The following PNPLA1 variants were observed in gnomAD, a reference collection of about 807,000 sequenced individuals.
PNPLA1 encodes omega-hydroxyceramide transacylase.
Under a neutral mutation model 51.7 loss-of-function variants are expected in PNPLA1, and 36 were observed. That is an observed-to-expected ratio of 0.70 (90% CI 0.53 to 0.92). The LOEUF (loss-of-function observed/expected upper bound fraction) is 0.92, where lower values mean the gene tolerates loss of function less well. PNPLA1 is among the 40% of genes least tolerant of loss of function. PNPLA1 has a pLI of 0.00. For synonymous variants in PNPLA1, 293 were observed against 280.1 expected, an observed-to-expected ratio of 1.05 and a Z score of -0.46; for missense variants, 658 against 682.5, an observed-to-expected ratio of 0.96 and a Z score of 0.40.
chr6:36,251,413 A>G (rs1382966207), intron 1 of PNPLA1, among the ~76,000 whole-genome samples: 3 of 152,204 alleles, frequency 2.0e-5, no homozygotes, highest in Non-Finnish European at 4.4e-5. Flanking sequence ...TTCATCCTGC[A>G]CAAAGGATGA....
At chr6:36,256,259 A>G (rs1435241583) in intron 1 of PNPLA1, among the ~76,000 whole-genome samples, 1 of 152,008 alleles carries the variant, frequency 6.6e-6, no homozygotes, top group African/African-American at 2.4e-5. Context: ...GAGAGGCCAA[A>G]GCAGGAGAAT....
chr6:36,256,017 C>T (rs1769525418), intron 1 of PNPLA1, among the ~76,000 whole-genome samples: 1 of 152,148 alleles, frequency 6.6e-6, no homozygotes, highest in Non-Finnish European at 1.5e-5. Context: ...ACGGTAGGTT[C>T]CTAGCAGACT....
At chr6:36,287,041 G>A (rs563172796) in intron 1 of PNPLA1, among the ~76,000 whole-genome samples, 11 of 152,214 alleles carry the variant, frequency 7.2e-5, no homozygotes, top group Non-Finnish European at 1.5e-4. Context: ...CATAAAACCT[G>A]GTGAGCTGAC....
In PNPLA1 at chr6:36,272,939, T is replaced by C. The variant is rs1307825882; in HGVS notation, c.205+2275T>C. ...TTCTCACTGGACAAAATTCAAACAG[T>C]GCGAAAGTGTATAGAGTAAAAGTAG... On this transcript the variant is annotated intron_variant, in intron 1 of 8. Coordinates refer to ENST00000636260, the MANE Select transcript of PNPLA1 (RefSeq NM_001374623.1). 7.9e-5 allele frequency among the ~76,000 whole-genome samples: 12 copies of C among 152,194 alleles called. No homozygotes were observed. The East Asian group carries it at 2.1e-3, about 27-fold the overall frequency.
At chr6:36,258,674 A>G (rs1286968511) in intron 1 of PNPLA1, among the ~76,000 whole-genome samples, 1 of 152,180 alleles carries the variant, frequency 6.6e-6, no homozygotes, top group African/African-American at 2.4e-5. Flanking sequence ...AATTGTTTTC[A>G]TCTGCTCTTT....
Position 36,305,852 on chromosome 6 carries a change from C to A in PNPLA1, c.1385-440C>A, listed in dbSNP as rs1771216578. On this transcript the variant is annotated intron_variant, in intron 6 of 8. Coordinates refer to ENST00000636260, the MANE Select transcript of PNPLA1 (RefSeq NM_001374623.1). Reference sequence around the variant, plus strand: ...CACTGCACTCTCAACTTTTGAGGCTCAGGTGATTCTCTTACCTCAGCCTCC... The same window carrying A: ...CACTGCACTCTCAACTTTTGAGGCTAAGGTGATTCTCTTACCTCAGCCTCC... Among the ~76,000 whole-genome samples, 3 of 143,142 alleles carry A rather than the reference C, an allele frequency of 2.1e-5. No homozygotes were observed. In the South Asian group the frequency reaches 6.7e-4, roughly 32 times the overall value. The allele number at this position is 143,142 out of a possible 152,430, so 93.9% of individuals were successfully genotyped here. A position where few individuals can be genotyped will look rare whatever the true frequency, so the allele number is the denominator to read the frequency against.
intron 5 of PNPLA1, among the ~76,000 whole-genome samples, chr6:36,299,586 G>A (rs1274015850): frequency 1.3e-5 from 2 of 152,064 alleles, no homozygotes; most frequent in African/African-American, 4.8e-5. Context: ...CACCCGCCTC[G>A]GCCTCCCAAA....
intron 1 of PNPLA1, among the ~76,000 whole-genome samples, chr6:36,276,816 A>G (rs986548240): frequency 1.3e-5 from 2 of 151,866 alleles, no homozygotes; most frequent in Non-Finnish European, 2.9e-5. Context: ...TTGAGCACAT[A>G]CTAGGCCCTG....
At chr6:36,291,758 G>A (rs1398147122) in intron 2 of PNPLA1, among the ~76,000 whole-genome samples, 3 of 152,128 alleles carry the variant, frequency 2.0e-5, no homozygotes, top group Non-Finnish European at 4.4e-5. Context: ...AGGCTTGACC[G>A]CCACCCTCAA....
rs144335927 is a variant in PNPLA1 at position 36,274,497 on chromosome 6, TTTAG to T, written c.205+3839_205+3842del. Reference sequence around the variant, plus strand: ...CGAAAAGGAACCAGGGCTAGATCTTTTTAGTTAGTCATTTTATTGATGGATCTGA... The same window carrying T: ...CGAAAAGGAACCAGGGCTAGATCTTTTTAGTCATTTTATTGATGGATCTGA... On this transcript the variant is annotated intron_variant, in intron 1 of 8. Transcript: ENST00000636260. 1.2e-3 allele frequency among the ~76,000 whole-genome samples: 177 copies of T among 152,262 alleles called. 1 individual carries two copies. The highest frequency in any genetic ancestry group is 4.1e-3 in the African/African-American group (169 of 41,554).
At chr6:36,307,941 G>A (rs910881797) in intron 8 of PNPLA1, 17 of 423,392 alleles carry the variant, frequency 4.0e-5, no homozygotes, top group African/African-American at 3.4e-4. Context: ...CTGTAAAATG[G>A]GGATGATACC....
intron 1 of PNPLA1, among the ~76,000 whole-genome samples, chr6:36,246,881 C>G (rs1561844324): frequency 6.6e-6 from 1 of 152,360 alleles, no homozygotes; most frequent in South Asian, 2.1e-4. Flanking sequence ...ACATAGTACT[C>G]TTAAATATGT....
intron 1 of PNPLA1, among the ~76,000 whole-genome samples, chr6:36,274,431 C>T (rs1349409452): frequency 1.3e-5 from 2 of 152,122 alleles, no homozygotes; most frequent in African/African-American, 4.8e-5. Context: ...TTGGGAAGAA[C>T]ATTCTACGCA....
chr6:36,282,051 A>AAGAAAGAT (rs1770304315), intron 1 of PNPLA1, among the ~76,000 whole-genome samples: 1 of 83,390 alleles, frequency 1.2e-5, no homozygotes, highest in Non-Finnish European at 2.5e-5. Flanking sequence ...GAAGGAAAGA[A>AAGAAAGAT]AGAAAGAAAG....
rs997794622 is a variant in PNPLA1 at position 36,270,394 on chromosome 6, C to G, written c.-66C>G. 1 of 1,513,568 alleles carries G rather than the reference C, an allele frequency of 6.6e-7. No individual in the cohort carries two copies. Among genetic ancestry groups the G allele is most frequent in the Admixed American group, 2.0e-5 (1 of 50,720 alleles). The allele number at this position is 1,513,568 out of a possible 1,614,324, so 93.8% of individuals were successfully genotyped here. On this transcript the variant is annotated 5_prime_UTR_variant, in exon 1 of 9. Coordinates refer to ENST00000636260, the MANE Select transcript of PNPLA1 (RefSeq NM_001374623.1). ...GGGAGTTCCTACAGGGAGCGGCAGCCCAGGCTCGGGCAGGCAAGTGCTGAA... is the reference window on the plus strand; with the variant it reads ...GGGAGTTCCTACAGGGAGCGGCAGCGCAGGCTCGGGCAGGCAAGTGCTGAA...
In PNPLA1 at chr6:36,291,411, G is replaced by C. The variant is rs146577213; in HGVS notation, c.297G>C (p.Met99Ile). The C allele has an allele frequency of 4.3e-5, 70 of 1,614,076 alleles. No homozygotes were observed. Among genetic ancestry groups the C allele is most frequent in the African/African-American group, 1.2e-4 (9 of 74,922 alleles). ...PLSPSCKMVQMMRQFLYRVLP... is the reference protein window; with the variant it reads ...PLSPSCKMVQIMRQFLYRVLP... ...CCCCGTCCTGTAAGATGGTGCAGAT[G>C]ATGAGGCAGTTTCTGTACCGGGTCC... is the stretch of plus-strand genomic sequence containing the variant. Residue 99 changes from methionine to isoleucine, a missense_variant, in exon 2 of 9, where the codon ATG (methionine) becomes ATC (isoleucine). By Grantham distance (10) the Met-to-Ile change is conservative. Transcript: ENST00000636260.
At chr6:36,268,513 A>G (rs906231905), upstream of PNPLA1, among the ~76,000 whole-genome samples, 1 of 152,068 alleles carries the variant, frequency 6.6e-6, no homozygotes, top group Non-Finnish European at 1.5e-5. Flanking sequence ...CTTCTCTGCA[A>G]GGGGCTCTTG....
At chr6:36,249,850 C>T (rs1025396456) in intron 1 of PNPLA1, among the ~76,000 whole-genome samples, 1 of 152,118 alleles carries the variant, frequency 6.6e-6, no homozygotes, top group Non-Finnish European at 1.5e-5. Flanking sequence ...TACCTCTGTC[C>T]TAAGGTTGCA....
upstream of PNPLA1, among the ~76,000 whole-genome samples, chr6:36,265,533 C>T (rs976967144): frequency 6.6e-6 from 1 of 152,146 alleles, no homozygotes; most frequent in African/African-American, 2.4e-5. Flanking sequence ...AGTATCTATA[C>T]CTTAAAGTAT....
Sources: gnomAD v4.1 joint callset for allele counts (sites outside exome capture counted in the v4.1 genomes callset) on GRCh38, gnomAD v4.1.1 for gene constraint, MANE v1.5 for transcripts, NCBI Gene and HGNC (gene_info 2026-07-23, HGNC 2026-07-21) for gene names.